Variants in CDCA7L observed in about 807,000 individuals in gnomAD.
CDCA7L encodes the protein cell division cycle-associated 7-like protein.
Under a neutral mutation model 57.4 loss-of-function variants are expected in CDCA7L, and 44 were observed. The ratio of observed to expected loss-of-function variants is 0.77; its 90% confidence interval spans 0.60 to 0.98. The LOEUF (loss-of-function observed/expected upper bound fraction) is 0.98. Ranked by LOEUF, CDCA7L falls within the 50% of genes least tolerant of loss-of-function variation. The pLI is 0.00. For synonymous variants in CDCA7L, 236 were observed against 202.8 expected (o/e 1.16, Z -1.39); for missense variants, 644 against 580.6 (o/e 1.11, Z -1.12).
Position 21,911,580 on chromosome 7 carries a change from C to T in CDCA7L, c.303+37G>A, listed in dbSNP as rs201938119. On this transcript the variant is annotated intron_variant, in intron 3 of 9. Transcript: ENST00000406877. ...ACTCTTTCAGAAACAGGATTAAAAA[C>T]GTTACCACCCACATCCCTTCCTGTT... The T allele has an allele frequency of 1.5e-3, 2,310 of 1,570,754 alleles. 5 individuals are homozygous for T. The highest frequency in any genetic ancestry group is 4.1e-3 in the Middle Eastern group (24 of 5,864).
chr7:21,919,183 G>A (rs571730398), intron 1 of CDCA7L, among the ~76,000 whole-genome samples: 7 of 152,192 alleles, frequency 4.6e-5, no homozygotes, highest in African/African-American at 1.7e-4. Flanking sequence ...TCACAAAGTA[G>A]CTGGCATTCT....
intron 2 of CDCA7L, among the ~76,000 whole-genome samples, chr7:21,913,888 G>T (rs986072979): frequency 7.9e-5 from 12 of 152,202 alleles, no homozygotes; most frequent in Non-Finnish European, 1.8e-4. Flanking sequence ...TCCAAAGTGT[G>T]TAAGTACTGT....
intron 1 of CDCA7L, among the ~76,000 whole-genome samples, chr7:21,944,146 G>C (rs533540611): frequency 1.3e-5 from 2 of 152,048 alleles, no homozygotes; most frequent in South Asian, 4.2e-4. Flanking sequence ...CTCCTAGAAG[G>C]TTAGGACGCC....
rs557286550 is a variant in CDCA7L at position 21,911,006 on chromosome 7, A to ATTTTTTTTTTTT, written c.303+599_303+610dup. On this transcript the variant is annotated intron_variant, in intron 3 of 9. Transcript: ENST00000406877. ...AGAGGTTTAAGGAACTCTTGAGATA[A>ATTTTTTTTTTTT]TTTTTTTTTTTTTTTTTTTTTTTTT... Among the ~76,000 whole-genome samples the ATTTTTTTTTTTT allele has an allele frequency of 9.7e-5, 8 of 82,534 alleles. 2 individuals are homozygous for ATTTTTTTTTTTT. Among genetic ancestry groups the ATTTTTTTTTTTT allele is most frequent in the South Asian group, 4.3e-4 (1 of 2,304 alleles). 54.1% of individuals were successfully genotyped at this position (82,534 alleles called of 152,430 possible). A position where few individuals can be genotyped will look rare whatever the true frequency, so the allele number is the denominator to read the frequency against.
intron 1 of CDCA7L, among the ~76,000 whole-genome samples, chr7:21,941,266 C>T (rs6461623): frequency 0.8 from 122,200 of 152,178 alleles, 49,463 homozygotes; most frequent in Non-Finnish European, 0.85. Context: ...AAACACTAGA[C>T]AGTCACTAAA....
intron 1 of CDCA7L, among the ~76,000 whole-genome samples, chr7:21,939,806 C>T (rs1321363159): frequency 3.3e-5 from 5 of 152,074 alleles, no homozygotes; most frequent in Non-Finnish European, 5.9e-5. Context: ...AACCCACCCA[C>T]GTTTGTTACC....
chr7:21,907,622 G>A (rs977978959), intron 4 of CDCA7L, among the ~76,000 whole-genome samples: 3 of 152,164 alleles, frequency 2.0e-5, no homozygotes, highest in African/African-American at 4.8e-5. Flanking sequence ...AATGTAGAGT[G>A]AATTAACACT....
chr7:21,945,461 C>G (rs1786490004), intron 1 of CDCA7L, among the ~76,000 whole-genome samples: 1 of 152,154 alleles, frequency 6.6e-6, no homozygotes, highest in Admixed American at 6.5e-5. Flanking sequence ...CCCCGTCTCA[C>G]GAGGGCTGCA....
chr7:21,938,881 A>C (rs1310094786), intron 1 of CDCA7L, among the ~76,000 whole-genome samples: 1 of 152,090 alleles, frequency 6.6e-6, no homozygotes, highest in Non-Finnish European at 1.5e-5. Flanking sequence ...AGGGTAGTAC[A>C]TACCTATAGT....
rs755859959 is a variant in CDCA7L, at chr7:21,908,139, G to A, written c.672C>T (p.Asn224=). The A allele has an allele frequency of 3.5e-5, 54 of 1,549,036 alleles. No individual in the cohort carries two copies. Among genetic ancestry groups the A allele is most frequent in the Non-Finnish European group, 4.4e-5 (51 of 1,159,308 alleles). ...CTCCGTGAAGCCTCACCATGGCTTT[G>A]TTCTCCTTGATGTTCATGGTCCTTT... ...LLKRTMNIKE[N]KAMLAQLLAE... Residue 224 remains asparagine, a synonymous_variant, in exon 4 of 10, where the codon AAC becomes AAT. Coordinates refer to ENST00000406877, the MANE Select transcript of CDCA7L (RefSeq NM_018719.5).
intron 1 of CDCA7L, among the ~76,000 whole-genome samples, chr7:21,924,312 C>G (rs569875876): frequency 6.6e-6 from 1 of 152,256 alleles, no homozygotes; most frequent in East Asian, 1.9e-4. Context: ...GAAGCAAGCT[C>G]TATTTTAAGA....
intron 7 of CDCA7L, among the ~76,000 whole-genome samples, chr7:21,904,594 G>A (rs1017216007): frequency 6.6e-6 from 1 of 152,190 alleles, no homozygotes; most frequent in Non-Finnish European, 1.5e-5. Context: ...AATTGCACAT[G>A]TGAGGGATCT....
chr7:21,924,819 G>A (rs1454567862), intron 1 of CDCA7L, among the ~76,000 whole-genome samples: 1 of 151,980 alleles, frequency 6.6e-6, no homozygotes, highest in African/African-American at 2.4e-5. Flanking sequence ...CCACACACTG[G>A]GAGAAAATAT....
chr7:21,927,931 CAGCAG>C (rs1437422905), intron 1 of CDCA7L, among the ~76,000 whole-genome samples: 1 of 152,230 alleles, frequency 6.6e-6, no homozygotes, highest in Non-Finnish European at 1.5e-5. Context: ...TCTAAAGGAG[CAGCAG>C]ATCTCCCAGC....
intron 1 of CDCA7L, among the ~76,000 whole-genome samples, chr7:21,929,167 A>G (rs1255313177): frequency 6.6e-6 from 1 of 152,212 alleles, no homozygotes; most frequent in Non-Finnish European, 1.5e-5. Context: ...TCTTAATGAA[A>G]AGAATTTTCA....
chr7:21,929,766 A>T (rs1785948674), intron 1 of CDCA7L, among the ~76,000 whole-genome samples: 1 of 152,188 alleles, frequency 6.6e-6, no homozygotes, highest in Non-Finnish European at 1.5e-5. Flanking sequence ...CAACAAGAGC[A>T]GCTAACTACA....
chr7:21,918,586 G>C (rs559924867), intron 1 of CDCA7L, among the ~76,000 whole-genome samples: 1 of 152,172 alleles, frequency 6.6e-6, no homozygotes, highest in Non-Finnish European at 1.5e-5. Context: ...GTCCAAGTCT[G>C]AAGTTTTATT....
chr7:21,905,205 A>C (rs566688738), intron 7 of CDCA7L, among the ~76,000 whole-genome samples: 1 of 147,396 alleles, frequency 6.8e-6, no homozygotes, highest in East Asian at 2.0e-4. Flanking sequence ...TTCAATATTT[A>C]GAACATAAAA....
intron 2 of CDCA7L, 132 bp downstream of exon 2, chr7:21,916,622 A>T (rs1365065320): frequency 3.1e-5 from 26 of 833,434 alleles, no homozygotes; most frequent in Non-Finnish European, 1.9e-6. Flanking sequence ...ACACAGACAT[A>T]ATGTTTCTAA....
Sources: gnomAD v4.1 joint callset for allele counts (sites outside exome capture counted in the v4.1 genomes callset) on GRCh38, gnomAD v4.1.1 for gene constraint, MANE v1.5 for transcripts, NCBI Gene and HGNC (gene_info 2026-07-23, HGNC 2026-07-21) for gene names.